Variants in CSMD1 observed in about 807,000 individuals in gnomAD.
CSMD1 encodes the protein CUB and sushi domain-containing protein 1.
A neutral mutation model predicts 417.5 loss-of-function variants in CSMD1; 213 were observed. That is an observed-to-expected ratio of 0.51 (90% CI 0.46 to 0.57). CSMD1 has a LOEUF of 0.57. Among genes scored for constraint, CSMD1 ranks in the 20% least tolerant of loss-of-function variants. CSMD1 has a pLI of 0.00. For missense variants in CSMD1, 6,923 were observed against 4,529.7 expected (o/e 1.53, Z -15.17); for synonymous variants, 2,862 against 1,736.8 (o/e 1.65, Z -16.11).
intron 3 of CSMD1, among the ~76,000 whole-genome samples, chr8:4,390,281 C>G (rs540161829): frequency 6.6e-6 from 1 of 151,824 alleles, no homozygotes; most frequent in Non-Finnish European, 1.5e-5. Flanking sequence ...AAAACTGTCA[C>G]GAGGAGCAAT....
At chr8:4,512,463 G>A (rs1021191245) in intron 2 of CSMD1, among the ~76,000 whole-genome samples, 2 of 152,044 alleles carry the variant, frequency 1.3e-5, no homozygotes, top group Admixed American at 6.6e-5. Context: ...ATGGAATACA[G>A]ATAGAGAAGG....
intron 5 of CSMD1, among the ~76,000 whole-genome samples, chr8:3,924,134 A>T (rs1231553118): frequency 6.6e-6 from 1 of 152,166 alleles, no homozygotes; most frequent in African/African-American, 2.4e-5. Flanking sequence ...GTATCTCTCC[A>T]TTTATGAAGG....
chr8:4,262,928 A>C (rs915195784), intron 3 of CSMD1, among the ~76,000 whole-genome samples: 1 of 152,220 alleles, frequency 6.6e-6, no homozygotes, highest in Non-Finnish European at 1.5e-5. Flanking sequence ...ATGATGAACC[A>C]TAAGAACATT....
intron 5 of CSMD1, among the ~76,000 whole-genome samples, chr8:3,916,191 G>C (rs1484449281): frequency 1.3e-5 from 2 of 152,012 alleles, no homozygotes; most frequent in African/African-American, 4.8e-5. Flanking sequence ...ACAATACAAT[G>C]ATGAAGTAGA....
At chr8:4,018,398 G>A (rs1268420561) in intron 4 of CSMD1, among the ~76,000 whole-genome samples, 1 of 152,100 alleles carries the variant, frequency 6.6e-6, no homozygotes, top group Admixed American at 6.5e-5. Flanking sequence ...GCAACTTCCT[G>A]CCTCGATTCC....
At chr8:3,968,088 G>A (rs760690163) in intron 5 of CSMD1, among the ~76,000 whole-genome samples, 7 of 151,508 alleles carry the variant, frequency 4.6e-5, no homozygotes, top group Non-Finnish European at 8.8e-5. Context: ...TCGGCAGGCT[G>A]AGGCAGGAGA....
intron 10 of CSMD1, among the ~76,000 whole-genome samples, chr8:3,503,263 G>A (rs765867319): frequency 2.6e-5 from 4 of 152,156 alleles, no homozygotes; most frequent in Non-Finnish European, 5.9e-5. Context: ...TATCTGAGAT[G>A]TTTAGCCCCA....
chr8:4,718,374 T>C (rs1300930501), intron 1 of CSMD1, among the ~76,000 whole-genome samples: 1 of 152,208 alleles, frequency 6.6e-6, no homozygotes, highest in East Asian at 1.9e-4. Flanking sequence ...TATACATAAA[T>C]TGGAGTCAAC....
rs1179800475 is a variant in CSMD1 at position 2,936,901 on chromosome 8, C to T, written c.*1684G>A. 6.6e-6 allele frequency: 1 copy of T among 152,134 alleles called. No homozygotes were observed. The highest frequency in any genetic ancestry group is 3.2e-3 in the Middle Eastern group (1 of 316). The allele number at this position is 152,134 out of a possible 1,614,324, so 9.4% of individuals were successfully genotyped here. ...GGTGTCAATGTGTTCACTCCGACAA[C>T]GTGAAGGCCAATTTGAACATTCTGA... On this transcript the variant is annotated 3_prime_UTR_variant, in exon 70 of 70. Transcript: ENST00000635120.
At chr8:4,294,087 T>G (rs1325123640) in intron 3 of CSMD1, among the ~76,000 whole-genome samples, 1 of 152,200 alleles carries the variant, frequency 6.6e-6, no homozygotes, top group Non-Finnish European at 1.5e-5. Flanking sequence ...GAAGTTGAAG[T>G]TCTATATTCC....
intron 5 of CSMD1, among the ~76,000 whole-genome samples, chr8:3,845,780 T>C (rs147625877): frequency 1.3e-5 from 2 of 152,314 alleles, no homozygotes; most frequent in East Asian, 1.9e-4. Flanking sequence ...TACAGCTGTA[T>C]AAAATATCTT....
chr8:4,176,764 G>C (rs1305992943), intron 3 of CSMD1, among the ~76,000 whole-genome samples: 1 of 149,544 alleles, frequency 6.7e-6, no homozygotes, highest in Non-Finnish European at 1.5e-5. Flanking sequence ...AACAAAAAAA[G>C]GCAGGGGTTG....
intron 2 of CSMD1, among the ~76,000 whole-genome samples, chr8:4,518,982 C>A (rs1563250621): frequency 1.3e-5 from 2 of 152,088 alleles, no homozygotes; most frequent in African/African-American, 4.8e-5. Context: ...AGACTCCCCA[C>A]TTTCTCTTTT....
chr8:3,700,518 A>G (rs765241926), intron 7 of CSMD1: 1 of 152,254 alleles, frequency 6.6e-6, no homozygotes, highest in Non-Finnish European at 1.5e-5. Context: ...CCCTGAATGC[A>G]CCTGATCTCG....
chr8:4,875,811 A>G (rs188560996), intron 1 of CSMD1, among the ~76,000 whole-genome samples: 1 of 152,136 alleles, frequency 6.6e-6, no homozygotes, highest in Admixed American at 6.5e-5. Context: ...ATAAAAATGA[A>G]CACACAGAGA....
At chr8:3,983,266 G>C (rs1456396876) in intron 5 of CSMD1, among the ~76,000 whole-genome samples, 1 of 151,798 alleles carries the variant, frequency 6.6e-6, no homozygotes, top group Non-Finnish European at 1.5e-5. Context: ...GAGTAGCTGG[G>C]ACTACAGGCG....
chr8:4,258,090 C>G (rs991500823), intron 3 of CSMD1, among the ~76,000 whole-genome samples: 1 of 151,528 alleles, frequency 6.6e-6, no homozygotes, highest in Non-Finnish European at 1.5e-5. Context: ...ACTACAGGCC[C>G]GTGCTACCAT....
chr8:3,472,832 GT>G (rs540004073), intron 11 of CSMD1, among the ~76,000 whole-genome samples: 6 of 149,310 alleles, frequency 4.0e-5, no homozygotes, highest in South Asian at 2.1e-4. Flanking sequence ...AATCTCCTAA[GT>G]TTTTTTTTTA....
At chr8:4,426,271 A>G (rs1315352559) in intron 2 of CSMD1, among the ~76,000 whole-genome samples, 3 of 151,694 alleles carry the variant, frequency 2.0e-5, no homozygotes. Context: ...AGTTATTCCA[A>G]TTTCTGTTCT....
Sources: gnomAD v4.1 joint callset for allele counts (sites outside exome capture counted in the v4.1 genomes callset) on GRCh38, gnomAD v4.1.1 for gene constraint, MANE v1.5 for transcripts, NCBI Gene and HGNC (gene_info 2026-07-23, HGNC 2026-07-21) for gene names.